The following RFX3 variants were observed in gnomAD, a reference collection of about 807,000 sequenced individuals.
The protein encoded by RFX3 is regulatory factor X3.
A neutral mutation model predicts 98.6 loss-of-function variants in RFX3; 14 were observed. The observed-to-expected ratio is 0.14, with a 90% CI of 0.09 to 0.22. The LOEUF (loss-of-function observed/expected upper bound fraction) is 0.22. Among genes scored for constraint, RFX3 ranks in the 10% least tolerant of loss-of-function variants. The pLI is 1.00. For missense variants in RFX3, 639 were observed against 926.9 expected, an observed-to-expected ratio of 0.69 and a Z score of 4.03; for synonymous variants, 383 against 328.4, an observed-to-expected ratio of 1.17 and a Z score of -1.80.
At chr9:3,374,247 G>A (rs770022827) in intron 2 of RFX3, among the ~76,000 whole-genome samples, 2 of 152,168 alleles carry the variant, frequency 1.3e-5, no homozygotes, top group Non-Finnish European at 2.9e-5. Flanking sequence ...TGGTATAGCT[G>A]TTATGGAAAA....
intron 3 of RFX3, among the ~76,000 whole-genome samples, chr9:3,335,131 T>C (rs1833019983): frequency 6.6e-6 from 1 of 151,316 alleles, no homozygotes. Context: ...AAAATAATAA[T>C]AATAAAATAA....
chr9:3,420,199 C>T (rs565751804), intron 1 of RFX3, among the ~76,000 whole-genome samples: 1 of 152,148 alleles, frequency 6.6e-6, no homozygotes, highest in Non-Finnish European at 1.5e-5. Context: ...CTGAAGCACA[C>T]CAGTCAGCAG....
At chr9:3,461,517 G>A (rs553949029) in intron 1 of RFX3, among the ~76,000 whole-genome samples, 1 of 152,108 alleles carries the variant, frequency 6.6e-6, no homozygotes, top group South Asian at 2.1e-4. Flanking sequence ...ACTACTGCAT[G>A]TTCAAGGAAT....
intron 5 of RFX3, among the ~76,000 whole-genome samples, chr9:3,295,138 CTGAT>C (rs1262317261): frequency 6.6e-6 from 1 of 151,792 alleles, no homozygotes; most frequent in African/African-American, 2.4e-5. Flanking sequence ...ATAAGGCAGT[CTGAT>C]TGGGAAATTA....
intron 16 of RFX3, among the ~76,000 whole-genome samples, chr9:3,226,941 A>G (rs1279146195): frequency 6.6e-6 from 1 of 152,164 alleles, no homozygotes; most frequent in African/African-American, 2.4e-5. Context: ...CCCTTATATT[A>G]TCAAGAATAA....
chr9:3,419,778 A>G (rs1210885032), intron 1 of RFX3, among the ~76,000 whole-genome samples: 3 of 152,134 alleles, frequency 2.0e-5, no homozygotes, highest in African/African-American at 7.2e-5. Context: ...TTTATTAATT[A>G]TATTTGTACA....
Position 3,420,856 on chromosome 9 carries a change from C to A in RFX3, c.-8-25260G>T, listed in dbSNP as rs1387234298. 4.1e-6 allele frequency: 4 copies of A among 984,890 alleles called. No individual in the cohort carries two copies. In the East Asian group the frequency reaches 4.5e-4, roughly 112 times the overall value. 61.0% of individuals were successfully genotyped at this position (984,890 alleles called of 1,614,324 possible). A position where few individuals can be genotyped will look rare whatever the true frequency, so the allele number is the denominator to read the frequency against. Reference sequence around the variant, plus strand: ...CAGAAAGCATTCTGTCCATTTAAATCCCTTAGATCCTGATCTGCACAACCA... The same window carrying A: ...CAGAAAGCATTCTGTCCATTTAAATACCTTAGATCCTGATCTGCACAACCA... On this transcript the variant is annotated intron_variant, in intron 1 of 16. Transcript: ENST00000617270.
At chr9:3,364,144 G>C (rs147178132) in intron 2 of RFX3, among the ~76,000 whole-genome samples, 202 of 152,306 alleles carry the variant, frequency 1.3e-3, no homozygotes, top group African/African-American at 4.7e-3. Flanking sequence ...AAAGTGCTGG[G>C]ATTACAGGCA....
chr9:3,323,553 G>A (rs1053459086), intron 4 of RFX3, among the ~76,000 whole-genome samples: 2 of 151,962 alleles, frequency 1.3e-5, no homozygotes, highest in African/African-American at 4.8e-5. Flanking sequence ...ATAAGAGGTT[G>A]CCTGAGGTAC....
At chr9:3,366,725 T>TC (rs1554681397) in intron 2 of RFX3, among the ~76,000 whole-genome samples, 1 of 144,672 alleles carries the variant, frequency 6.9e-6, no homozygotes, top group African/African-American at 2.7e-5. Context: ...TTTCTTTCTT[T>TC]CTTTCTTTCT....
At chr9:3,255,723 G>T (rs1025053476) in intron 14 of RFX3, among the ~76,000 whole-genome samples, 5 of 152,102 alleles carry the variant, frequency 3.3e-5, no homozygotes, top group African/African-American at 1.2e-4. Flanking sequence ...AATCTTTGTG[G>T]CCGAGTTATG....
At chr9:3,247,604 C>T (rs981544575) in intron 15 of RFX3, 14 of 1,287,708 alleles carry the variant, frequency 1.1e-5, no homozygotes, top group Middle Eastern at 6.2e-4. Flanking sequence ...CCATTTTTAT[C>T]CTTCTAAAAT....
At chr9:3,374,072 T>A (rs890894813) in intron 2 of RFX3, among the ~76,000 whole-genome samples, 5 of 148,988 alleles carry the variant, frequency 3.4e-5, no homozygotes, top group African/African-American at 1.3e-4. Context: ...AGTGAGACTC[T>A]GTCTCACACA....
At chr9:3,456,986 C>CAAATAATTTTAAATAAT (rs1847225861) in intron 1 of RFX3, among the ~76,000 whole-genome samples, 1 of 151,558 alleles carries the variant, frequency 6.6e-6, no homozygotes, top group Non-Finnish European at 1.5e-5. Flanking sequence ...GTCTCTACTA[C>CAAATAATTTTAAATAAT]AGAAATTAGC....
At chr9:3,347,883 G>C (rs1338579204) in intron 2 of RFX3, among the ~76,000 whole-genome samples, 1 of 152,108 alleles carries the variant, frequency 6.6e-6, no homozygotes, top group Non-Finnish European at 1.5e-5. Context: ...ATTTTCATTT[G>C]TATTTCTAAG....
intron 1 of RFX3, among the ~76,000 whole-genome samples, chr9:3,467,834 G>A (rs950077111): frequency 6.6e-6 from 1 of 152,026 alleles, no homozygotes; most frequent in African/African-American, 2.4e-5. Flanking sequence ...CACAGACACA[G>A]AGTTGTCAAC....
chr9:3,356,598 G>A (rs777253033), intron 2 of RFX3, among the ~76,000 whole-genome samples: 2 of 151,730 alleles, frequency 1.3e-5, no homozygotes, highest in Non-Finnish European at 2.9e-5. Context: ...AAAAAACAGA[G>A]AACAACAGAA....
chr9:3,414,791 A>AGTATATAT (rs1250492835), intron 1 of RFX3, among the ~76,000 whole-genome samples: 2 of 133,188 alleles, frequency 1.5e-5, no homozygotes, highest in African/African-American at 2.8e-5. Context: ...TGTATATATG[A>AGTATATAT]GTATATATGA....
At chr9:3,251,355 T>A (rs1451741502) in intron 14 of RFX3, among the ~76,000 whole-genome samples, 1 of 152,162 alleles carries the variant, frequency 6.6e-6, no homozygotes, top group Non-Finnish European at 1.5e-5. Context: ...TTAATTATTT[T>A]TTTTTTTTAG....
Sources: allele counts gnomAD v4.1 joint callset (sites outside exome capture counted in the v4.1 genomes callset), GRCh38; gene constraint gnomAD v4.1.1; transcripts MANE v1.5; gene names NCBI Gene and HGNC (gene_info 2026-07-23, HGNC 2026-07-21).